BMPR1B: variants seen among roughly 807,000 people sequenced by gnomAD.
BMPR1B encodes bone morphogenetic protein receptor type 1B.
BMPR1B carries 12 observed loss-of-function variants against 59.1 expected under a neutral mutation model. That is an observed-to-expected ratio of 0.20 (90% CI 0.13 to 0.33). BMPR1B has a LOEUF of 0.33. Ranked by LOEUF, BMPR1B falls within the 10% of genes least tolerant of loss-of-function variation. The pLI, the probability that BMPR1B is intolerant of heterozygous loss-of-function variation, is 1.00. For synonymous variants in BMPR1B, 237 were observed against 207.3 expected (o/e 1.14, Z -1.23); for missense variants, 550 against 610.9 (o/e 0.90, Z 1.05).
intron 3 of BMPR1B, among the ~76,000 whole-genome samples, chr4:95,013,814 A>G (rs1405952173): frequency 1.3e-5 from 2 of 152,186 alleles, no homozygotes; most frequent in Non-Finnish European, 2.9e-5. Context: ...ATATGTATGT[A>G]TCACTTTACC....
intron 3 of BMPR1B, among the ~76,000 whole-genome samples, chr4:95,057,713 CA>C (rs1228042835): frequency 6.6e-6 from 1 of 151,494 alleles, no homozygotes; most frequent in Non-Finnish European, 1.5e-5. Flanking sequence ...TATTGACAAT[CA>C]AAAACCTTTA....
At chr4:95,082,855 G>T (rs28419579) in intron 3 of BMPR1B, among the ~76,000 whole-genome samples, 92,878 of 150,772 alleles carry the variant, frequency 0.62, 29,401 homozygotes, top group South Asian at 0.73. Context: ...TGGCTAACAC[G>T]GTGAAGCCTC....
intron 2 of BMPR1B, among the ~76,000 whole-genome samples, chr4:94,911,452 A>G (rs546464714): frequency 6.6e-6 from 1 of 152,130 alleles, no homozygotes; most frequent in Non-Finnish European, 1.5e-5. Context: ...CCATGGCTTC[A>G]CAAGATACAG....
chr4:95,137,357 A>G (rs538282765), intron 10 of BMPR1B, among the ~76,000 whole-genome samples: 15 of 152,172 alleles, frequency 9.9e-5, no homozygotes, highest in African/African-American at 2.9e-4. Flanking sequence ...AATAAGTGCA[A>G]TGTGGTGCTG....
chr4:95,064,276 G>A lies in BMPR1B; in HGVS notation c.-17-40132G>A, dbSNP rs762585255. Among the ~76,000 whole-genome samples, 12 of 152,174 alleles carry A rather than the reference G, an allele frequency of 7.9e-5. No individual in the cohort carries two copies. In the South Asian group the frequency reaches 2.1e-3, roughly 26 times the overall value. ...CTGGTAGTCATCCCTGACCTGTTAG[G>A]AACTGGCCACACAGCAGGAAGTGAG... On this transcript the variant is annotated intron_variant, in intron 3 of 12. Coordinates refer to ENST00000515059, the MANE Select transcript of BMPR1B (RefSeq NM_001203.3).
chr4:94,851,797 T>A (rs1725577064), intron 1 of BMPR1B, among the ~76,000 whole-genome samples: 2 of 152,146 alleles, frequency 1.3e-5, no homozygotes, highest in Non-Finnish European at 2.9e-5. Context: ...TAGTAAACAC[T>A]ATGCAAATAA....
chr4:94,868,204 A>G (rs1021729657), intron 1 of BMPR1B, among the ~76,000 whole-genome samples: 2 of 150,264 alleles, frequency 1.3e-5, no homozygotes, highest in African/African-American at 4.9e-5. Context: ...GGTCTCACTC[A>G]GTCACCCAGA....
chr4:94,842,180 C>G (rs1209540573), intron 1 of BMPR1B, among the ~76,000 whole-genome samples: 1 of 151,954 alleles, frequency 6.6e-6, no homozygotes, highest in African/African-American at 2.4e-5. Context: ...GTTATATTTC[C>G]TAATATACTT....
intron 1 of BMPR1B, among the ~76,000 whole-genome samples, chr4:94,809,490 C>T (rs764128060): frequency 6.6e-6 from 1 of 152,176 alleles, no homozygotes; most frequent in Non-Finnish European, 1.5e-5. Context: ...CAGATTATAT[C>T]ACTTTCAGAT....
At chr4:95,068,992 A>G (rs954648577) in intron 3 of BMPR1B, among the ~76,000 whole-genome samples, 4 of 152,202 alleles carry the variant, frequency 2.6e-5, no homozygotes. Context: ...GTCTCACTTC[A>G]CTATAGTGAC....
At chr4:95,015,514 T>C (rs1334476682) in intron 3 of BMPR1B, among the ~76,000 whole-genome samples, 1 of 152,098 alleles carries the variant, frequency 6.6e-6, no homozygotes, top group Non-Finnish European at 1.5e-5. Flanking sequence ...GTCTCCCAAG[T>C]AGCTGTGACT....
chr4:94,985,309 A>C (rs1200823848), intron 2 of BMPR1B, among the ~76,000 whole-genome samples: 1 of 152,104 alleles, frequency 6.6e-6, no homozygotes, highest in Admixed American at 6.6e-5. Context: ...AGTTAGATAA[A>C]AGCTAAGTCT....
chr4:94,772,815 G>T (rs1722232434), intron 1 of BMPR1B, among the ~76,000 whole-genome samples: 1 of 152,054 alleles, frequency 6.6e-6, no homozygotes, highest in Non-Finnish European at 1.5e-5. Context: ...CTGCGACTTT[G>T]TGTATTCTGG....
intron 3 of BMPR1B, among the ~76,000 whole-genome samples, chr4:95,042,365 A>C (rs1456804498): frequency 6.6e-6 from 1 of 152,226 alleles, no homozygotes; most frequent in African/African-American, 2.4e-5. Context: ...AGAGTCGCTG[A>C]CACAGTGACA....
intron 3 of BMPR1B, among the ~76,000 whole-genome samples, chr4:95,088,552 C>G (rs946155495): frequency 1.3e-5 from 2 of 152,098 alleles, no homozygotes; most frequent in Non-Finnish European, 2.9e-5. Context: ...TCTGCTATGT[C>G]ATAATAGCAC....
At chr4:94,804,040 G>A (rs925795673) in intron 1 of BMPR1B, among the ~76,000 whole-genome samples, 3 of 151,804 alleles carry the variant, frequency 2.0e-5, no homozygotes, top group Admixed American at 6.6e-5. Flanking sequence ...CACCACGCCC[G>A]GCTAATTTTT....
At chr4:94,866,950 A>C in intron 1 of BMPR1B, among the ~76,000 whole-genome samples, 1 of 152,134 alleles carries the variant, frequency 6.6e-6, no homozygotes, top group East Asian at 1.9e-4. Flanking sequence ...ATGACCAGTG[A>C]TTTGTCAGAT....
At chr4:94,890,512 T>A (rs1218149717) in intron 2 of BMPR1B, among the ~76,000 whole-genome samples, 1 of 152,138 alleles carries the variant, frequency 6.6e-6, no homozygotes, top group East Asian at 1.9e-4. Flanking sequence ...CCTAGAATAA[T>A]TCTAATGTAA....
chr4:94,834,588 T>A (rs12511962), intron 1 of BMPR1B, among the ~76,000 whole-genome samples: 18,384 of 152,102 alleles, frequency 0.12, 1,174 homozygotes, highest in Non-Finnish European at 0.13. Context: ...ATAAACTGAT[T>A]GATATTAAAC....
Sources: allele counts gnomAD v4.1 joint callset (sites outside exome capture counted in the v4.1 genomes callset), GRCh38; gene constraint gnomAD v4.1.1; transcripts MANE v1.5; gene names NCBI Gene and HGNC (gene_info 2026-07-23, HGNC 2026-07-21).